The following ARNT2 variants were observed in gnomAD, a reference collection of about 807,000 sequenced individuals.
ARNT2 encodes the protein ARNT protein 2.
Under a neutral mutation model 91.7 loss-of-function variants are expected in ARNT2, and 36 were observed. The ratio of observed to expected loss-of-function variants is 0.39; its 90% confidence interval spans 0.30 to 0.52. The LOEUF is 0.52. Among genes scored for constraint, ARNT2 ranks in the 20% least tolerant of loss-of-function variants. ARNT2 has a pLI of 0.72. For synonymous variants in ARNT2, 365 were observed against 347.1 expected (o/e 1.05, Z -0.57); for missense variants, 775 against 939.3 (o/e 0.83, Z 2.29).
intron 5 of ARNT2, among the ~76,000 whole-genome samples, chr15:80,492,331 C>A (rs1262430312): frequency 6.6e-6 from 1 of 152,150 alleles, no homozygotes; most frequent in African/African-American, 2.4e-5. Flanking sequence ...AGCCACCATG[C>A]CTGGCTCAGT....
chr15:80,471,807 G>T (rs1028083297), intron 4 of ARNT2, among the ~76,000 whole-genome samples: 1 of 152,134 alleles, frequency 6.6e-6, no homozygotes, highest in Admixed American at 6.5e-5. Context: ...AAGACAGGCT[G>T]GTAGGACCCC....
At chr15:80,568,531 G>T (rs183733961) in intron 12 of ARNT2, among the ~76,000 whole-genome samples, 1 of 152,184 alleles carries the variant, frequency 6.6e-6, no homozygotes, top group Non-Finnish European at 1.5e-5. Flanking sequence ...CGTCTCCTTC[G>T]TCATGCTTAG....
chr15:80,530,158 T>C (rs1438943330), intron 8 of ARNT2, among the ~76,000 whole-genome samples: 1 of 152,214 alleles, frequency 6.6e-6, no homozygotes. Context: ...TGAGAATGGT[T>C]CCATCAATGA....
At chr15:80,577,809 G>A (rs1898706853) in intron 15 of ARNT2, among the ~76,000 whole-genome samples, 1 of 152,236 alleles carries the variant, frequency 6.6e-6, no homozygotes, top group South Asian at 2.1e-4. Flanking sequence ...CAGACCTCCT[G>A]GAGACAGATT....
intron 11 of ARNT2, among the ~76,000 whole-genome samples, chr15:80,559,673 G>C (rs1295496229): frequency 2.0e-5 from 3 of 151,982 alleles, no homozygotes; most frequent in Non-Finnish European, 2.9e-5. Context: ...TCTGCTCTTG[G>C]ATTCCCTCTC....
intron 10 of ARNT2, among the ~76,000 whole-genome samples, chr15:80,553,128 A>C (rs952771152): frequency 1.6e-4 from 25 of 152,150 alleles, no homozygotes; most frequent in African/African-American, 5.6e-4. Flanking sequence ...ATGCCTACCT[A>C]ATTTTGCCTA....
Position 80,437,922 on chromosome 15 carries a change from TACACACAC to T in ARNT2, c.32-12926_32-12919del, listed in dbSNP as rs58142108. 3.7e-4 allele frequency among the ~76,000 whole-genome samples: 53 copies of T among 141,562 alleles called. 1 individual carries two copies. Among genetic ancestry groups the T allele is most frequent in the African/African-American group, 6.7e-4 (26 of 38,604 alleles). 92.9% of individuals were successfully genotyped at this position (141,562 alleles called of 152,430 possible). A position where few individuals can be genotyped will look rare whatever the true frequency, so the allele number is the denominator to read the frequency against. Reference sequence around the variant, plus strand: ...TGTTCCTTTTTAAAATGTATTTACCTACACACACACACACACACACACACACACACACA... The same window carrying T: ...TGTTCCTTTTTAAAATGTATTTACCTACACACACACACACACACACACACA... On this transcript the variant is annotated intron_variant, in intron 1 of 18. Transcript: ENST00000303329.
At chr15:80,511,250 A>G (rs915446783) in intron 6 of ARNT2, among the ~76,000 whole-genome samples, 5 of 152,192 alleles carry the variant, frequency 3.3e-5, no homozygotes, top group African/African-American at 1.2e-4. Context: ...CCTGGAAGTC[A>G]TTATTGTTAG....
intron 2 of ARNT2, among the ~76,000 whole-genome samples, chr15:80,452,190 G>A (rs530427494): frequency 2.3e-4 from 35 of 152,356 alleles, no homozygotes; most frequent in Non-Finnish European, 4.6e-4. Context: ...GAGGGCCTGA[G>A]ATTTTTATGA....
chr15:80,417,018 A>T (rs527576364), intron 1 of ARNT2, among the ~76,000 whole-genome samples: 1 of 152,318 alleles, frequency 6.6e-6, no homozygotes, highest in African/African-American at 2.4e-5. Flanking sequence ...TTTTTAAAAA[A>T]AAATTGTAAC....
chr15:80,504,759 C>A lies in ARNT2; in HGVS notation c.623-3397C>A, dbSNP rs557537669. ...CTCCAGCCTGGGCTACAGAGTGAGA[C>A]CCTGTCTCAAAGAAAAAAAAAAAAA... On this transcript the variant is annotated intron_variant, in intron 5 of 18. Transcript: ENST00000303329. Among the ~76,000 whole-genome samples, 16 of 144,544 alleles carry A rather than the reference C, an allele frequency of 1.1e-4. No individual in the cohort carries two copies. The South Asian group carries it at 3.5e-3, about 32-fold the overall frequency. 94.8% of individuals were successfully genotyped at this position (144,544 alleles called of 152,430 possible).
intron 13 of ARNT2, 76 bp downstream of exon 13, chr15:80,574,296 G>A (rs1471481725): frequency 9.9e-6 from 14 of 1,415,144 alleles, no homozygotes; most frequent in African/African-American, 2.8e-5. Context: ...TCAGCCCTGA[G>A]CTTGAGCCCC....
intron 3 of ARNT2, among the ~76,000 whole-genome samples, chr15:80,469,620 G>A (rs1038668456): frequency 6.6e-6 from 1 of 151,652 alleles, no homozygotes; most frequent in Non-Finnish European, 1.5e-5. Context: ...GTGTGTGTGT[G>A]CACGTGTGTA....
At chr15:80,406,708 G>T (rs779269548) in intron 1 of ARNT2, among the ~76,000 whole-genome samples, 1 of 152,168 alleles carries the variant, frequency 6.6e-6, no homozygotes, top group Non-Finnish European at 1.5e-5. Flanking sequence ...TATTGTTGGC[G>T]TTGCTAGTCA....
rs946983352 is a variant in ARNT2 at position 80,466,944 on chromosome 15, T to C, written c.195-3274T>C. ...GTGGTGAAATTGCTTTAGATCTCTGTTTAAGATTCCCCATATGAAGATTTT... is the reference window on the plus strand; with the variant it reads ...GTGGTGAAATTGCTTTAGATCTCTGCTTAAGATTCCCCATATGAAGATTTT... On this transcript the variant is annotated intron_variant, in intron 3 of 18. Coordinates refer to ENST00000303329, the MANE Select transcript of ARNT2 (RefSeq NM_014862.4). Among the ~76,000 whole-genome samples the C allele has an allele frequency of 9.8e-5, 15 of 152,338 alleles. 4 individuals carry two copies.
intron 2 of ARNT2, among the ~76,000 whole-genome samples, chr15:80,453,275 C>T (rs8026684): frequency 1.3e-5 from 2 of 152,098 alleles, no homozygotes; most frequent in African/African-American, 2.4e-5. Flanking sequence ...GACAAATCAC[C>T]CAGGGGCAAG....
At chr15:80,578,824 C>T (rs1898735287) in intron 15 of ARNT2, among the ~76,000 whole-genome samples, 2 of 152,158 alleles carry the variant, frequency 1.3e-5, no homozygotes, top group Non-Finnish European at 2.9e-5. Flanking sequence ...CCTGTTAGGG[C>T]TAAAGCCTGT....
At chr15:80,592,068 C>A (rs1274686421) in intron 18 of ARNT2, among the ~76,000 whole-genome samples, 1 of 152,120 alleles carries the variant, frequency 6.6e-6, no homozygotes, top group Non-Finnish European at 1.5e-5. Flanking sequence ...ACTGGCTGAC[C>A]CTCTTTCTTC....
At chr15:80,518,277 CT>C (rs56726705) in intron 8 of ARNT2, among the ~76,000 whole-genome samples, 943 of 89,326 alleles carry the variant, frequency 0.011, 2 homozygotes, top group Middle Eastern at 0.048. Flanking sequence ...TTTTTCTATT[CT>C]TTTTTTTTTT....
Sources: allele counts gnomAD v4.1 joint callset (sites outside exome capture counted in the v4.1 genomes callset), GRCh38; gene constraint gnomAD v4.1.1; transcripts MANE v1.5; gene names NCBI Gene and HGNC (gene_info 2026-07-23, HGNC 2026-07-21).